EIF3A: variants seen among roughly 807,000 people sequenced by gnomAD.
EIF3A encodes eukaryotic translation initiation factor 3 subunit A.
In EIF3A, 21 loss-of-function variants were observed where a neutral mutation model predicts 186.6. The observed-to-expected ratio is 0.11, with a 90% CI of 0.08 to 0.16. The LOEUF (loss-of-function observed/expected upper bound fraction) is 0.16. Ranked by LOEUF, EIF3A falls within the 10% of genes least tolerant of loss-of-function variation. The probability of loss-of-function intolerance (pLI) is 1.00; values close to 1 mark genes in which losing one functional copy is unlikely to be tolerated. For synonymous variants in EIF3A, 563 were observed against 584.3 expected, an observed-to-expected ratio of 0.96 and a Z score of 0.52; for missense variants, 1,306 against 1,796.3, an observed-to-expected ratio of 0.73 and a Z score of 4.93.
chr10:119,039,426 T>C (rs896309437), intron 19 of EIF3A, among the ~76,000 whole-genome samples: 3 of 151,574 alleles, frequency 2.0e-5, no homozygotes, highest in Non-Finnish European at 2.9e-5. Context: ...ATCTCAGGAA[T>C]TTGGGAGGCT....
rs1338998029 is a variant in EIF3A, at chr10:119,058,320, A to G, written c.1630-17T>C. The G allele has an allele frequency of 6.6e-7, 1 of 1,515,064 alleles. No individual in the cohort carries two copies. The highest frequency in any genetic ancestry group is 2.4e-5 in the East Asian group (1 of 41,832). 93.9% of individuals were successfully genotyped at this position (1,515,064 alleles called of 1,614,324 possible). On this transcript the variant is annotated splice_polypyrimidine_tract_variant and intron_variant, in intron 11 of 21. Coordinates refer to ENST00000369144, the MANE Select transcript of EIF3A (RefSeq NM_003750.4). ...TTTCTCTTGCTTCAAAAACAAATGA[A>G]TTTTTTTACATGACCAAAATTAACA...
At chr10:119,068,962 T>A (rs1238746063) in intron 6 of EIF3A, among the ~76,000 whole-genome samples, 2 of 106,732 alleles carry the variant, frequency 1.9e-5, no homozygotes, top group African/African-American at 3.6e-5. Context: ...AACAAAAGAC[T>A]CTGTCTTGCA....
rs1313816458 is a variant in EIF3A, at chr10:119,042,255, G to A, written c.3265C>T (p.Pro1089Ser). The change falls in exon 19 of 22, where the codon CCC (proline) becomes TCC (serine). Residue 1089 changes from proline to serine, a missense_variant. This residue lies in a region of EIF3A where 27 missense variants were observed against 64.8 expected (regional missense o/e 0.42). Coordinates refer to ENST00000369144, the MANE Select transcript of EIF3A (RefSeq NM_003750.4). This position sits in a 1 kb window ranked among gnomAD's most constrained non-coding sequence, Gnocchi z 7.8. ...CGGTCATCATCCATGCCTCGCCTGG[G>A]ACCCCGGTCATCATCCATGCCTCGC... ...PRRGMDDDRG[P>S]RRGMDDDRGP... 1 of 1,612,284 alleles carries A rather than the reference G, an allele frequency of 6.2e-7. No homozygotes were observed.
At chr10:119,073,608 C>T (rs1433832410) in intron 2 of EIF3A, 31 bp from the exon 3 acceptor site, 1 of 1,595,602 alleles carries the variant, frequency 6.3e-7, no homozygotes. Flanking sequence ...CTCTTCAGAA[C>T]TTATTTTTCC....
chr10:119,049,403 G>C (rs2119818559), intron 17 of EIF3A, among the ~76,000 whole-genome samples: 1 of 147,394 alleles, frequency 6.8e-6, no homozygotes, highest in East Asian at 2.0e-4. Context: ...CAAGAGAATG[G>C]CTTGAACCTG....
chr10:119,060,913 C>CT (rs367793800), intron 8 of EIF3A, 69 bp from the exon 9 acceptor site: 4,261 of 928,268 alleles, frequency 4.6e-3, no homozygotes, highest in South Asian at 5.5e-3. Context: ...ATCTAAAACT[C>CT]TTTTTTTTTT....
chr10:119,051,430 C>T, intron 14 of EIF3A, 109 bp from the exon 15 acceptor site: 1 of 1,094,330 alleles, frequency 9.1e-7, no homozygotes, highest in Non-Finnish European at 1.3e-6. Context: ...ACTGCCCCTT[C>T]TGTCATGCCA....
chr10:119,074,981 T>C (rs972449185), intron 1 of EIF3A, among the ~76,000 whole-genome samples: 4 of 53,258 alleles, frequency 7.5e-5, no homozygotes, highest in African/African-American at 1.4e-4. Context: ...ACTTATTTTT[T>C]TTCTTTTTTT....
intron 5 of EIF3A, among the ~76,000 whole-genome samples, chr10:119,069,924 G>A (rs1054303110): frequency 3.3e-5 from 5 of 151,896 alleles, no homozygotes; most frequent in African/African-American, 9.7e-5. Context: ...CCATCACTTC[G>A]GGCAATATAA....
intron 4 of EIF3A, 106 bp from the exon 5 acceptor site, chr10:119,071,191 C>T: frequency 2.5e-6 from 2 of 785,904 alleles, no homozygotes; most frequent in South Asian, 3.3e-5. Context: ...ACAGGATTCA[C>T]CAAACTCATC....
At chr10:119,067,610 G>GT (rs1844002262) in intron 6 of EIF3A, among the ~76,000 whole-genome samples, 1 of 152,004 alleles carries the variant, frequency 6.6e-6, no homozygotes, top group Non-Finnish European at 1.5e-5. Flanking sequence ...AAGAAAGACC[G>GT]TATCAGAAAG....
Position 119,057,052 on chromosome 10 carries a change from T to C in EIF3A, c.1978-12A>G. 3 of 1,498,894 alleles carry C rather than the reference T, an allele frequency of 2.0e-6. No homozygotes were observed. Among genetic ancestry groups the C allele is most frequent in the African/African-American group, 1.4e-5 (1 of 71,966 alleles). 92.8% of individuals were successfully genotyped at this position (1,498,894 alleles called of 1,614,324 possible). Reference sequence around the variant, plus strand: ...AATTCCTCAAGGTCCTGAAAGGTAATACAAATGCACAATTGTTAATAAAGA... The same window carrying C: ...AATTCCTCAAGGTCCTGAAAGGTAACACAAATGCACAATTGTTAATAAAGA... On this transcript the variant is annotated splice_polypyrimidine_tract_variant and intron_variant, in intron 12 of 21. Coordinates refer to ENST00000369144, the MANE Select transcript of EIF3A (RefSeq NM_003750.4).
chr10:119,065,694 A>C, intron 6 of EIF3A, 124 bp from the exon 7 acceptor site: 1 of 654,146 alleles, frequency 1.5e-6, no homozygotes, highest in Non-Finnish European at 2.7e-6. Context: ...ACCATGGTGC[A>C]CTATACTCAT....
Position 119,042,055 on chromosome 10 carries a change from A to G in EIF3A, c.3465T>C (p.Asp1155=). The G allele has an allele frequency of 6.2e-7, 1 of 1,614,096 alleles. No homozygotes were observed. The highest frequency in any genetic ancestry group is 1.1e-5 in the South Asian group (1 of 91,080). The change falls in exon 19 of 22, where the codon GAT becomes GAC. Residue 1155 remains aspartate (D), a synonymous_variant. Transcript: ENST00000369144. The surrounding 1 kb of genome is among the most constrained non-coding windows in gnomAD (Gnocchi z 7.8). ...AGTCATCACCCCGTCTGGGAAACCG[A>G]TCATCATCAGCACGTCTTGAAAGGC... ...DDRLSRRADD[D]RFPRRGDDSR...
At chr10:119,065,353 A>C in intron 7 of EIF3A, 46 bp downstream of exon 7, 1 of 1,438,020 alleles carries the variant, frequency 7.0e-7, no homozygotes. Flanking sequence ...ACCTGACCAC[A>C]AAGTTTTCTG....
At chr10:119,045,077 T>C (rs2119818028) in intron 17 of EIF3A, among the ~76,000 whole-genome samples, 1 of 151,910 alleles carries the variant, frequency 6.6e-6, no homozygotes. Context: ...CCCAGGTAGC[T>C]AGGACTACAA....
Position 119,037,201 on chromosome 10 carries a change from G to A in EIF3A, c.3837C>T (p.Asp1279=). Residue 1279 remains aspartate, a synonymous_variant, in exon 21 of 22, where the codon GAC becomes GAT. Coordinates refer to ENST00000369144, the MANE Select transcript of EIF3A (RefSeq NM_003750.4). ...DRDDRRRERD[D]RRDLRERRDL... Reference sequence around the variant, plus strand: ...CTCGTCTTTCTCTTAGATCACGCCGGTCATCCCTCTCACGGCGACGGTCAT... The same window carrying A: ...CTCGTCTTTCTCTTAGATCACGCCGATCATCCCTCTCACGGCGACGGTCAT... 6.2e-7 allele frequency: 1 copy of A among 1,613,784 alleles called. No individual in the cohort carries two copies. The highest frequency in any genetic ancestry group is 8.5e-7 in the Non-Finnish European group (1 of 1,179,950).
At chr10:119,056,083 A>G (rs1328709649) in intron 14 of EIF3A, among the ~76,000 whole-genome samples, 1 of 152,072 alleles carries the variant, frequency 6.6e-6, no homozygotes, top group Non-Finnish European at 1.5e-5. Context: ...CACACCCTAC[A>G]CCGATGTTTG....
In EIF3A at chr10:119,068,625, T is replaced by C. The variant is rs535184695; in HGVS notation, c.950+821A>G. Reference sequence around the variant, plus strand: ...CAGGAGGCGGAGTGAGATCGCATCATTGCACTCCAGCCTGGGCGATAAGAG... The same window carrying C: ...CAGGAGGCGGAGTGAGATCGCATCACTGCACTCCAGCCTGGGCGATAAGAG... On this transcript the variant is annotated intron_variant, in intron 6 of 21. Transcript: ENST00000369144. Among the ~76,000 whole-genome samples, 11 of 151,026 alleles carry C rather than the reference T, an allele frequency of 7.3e-5. No individual in the cohort carries two copies. The East Asian group carries it at 9.8e-4, about 13-fold the overall frequency.
Sources: allele counts gnomAD v4.1 joint callset (sites outside exome capture counted in the v4.1 genomes callset), GRCh38; gene constraint gnomAD v4.1.1; regional missense constraint gnomAD v4.1.1; non-coding constraint Gnocchi (gnomAD v3.1); transcripts MANE v1.5; gene names NCBI Gene and HGNC (gene_info 2026-07-23, HGNC 2026-07-21).